The following TNS1 variants were observed in gnomAD, a reference collection of about 807,000 sequenced individuals.
The protein encoded by TNS1 is tensin 1, also known as tensin-1.
A neutral mutation model predicts 168.6 loss-of-function variants in TNS1; 62 were observed. The ratio of observed to expected loss-of-function variants is 0.37; its 90% CI spans 0.30 to 0.45. The LOEUF is 0.45. TNS1 is among the 20% of genes least tolerant of loss of function. The probability of loss-of-function intolerance (pLI) is 1.00; values close to 1 mark genes in which losing one functional copy is unlikely to be tolerated. For missense variants in TNS1, 2,240 were observed against 2,339.4 expected, an observed-to-expected ratio of 0.96 and a Z score of 0.88; for synonymous variants, 934 against 933.2, an observed-to-expected ratio of 1.00 and a Z score of -0.02.
rs1466728154 is a variant in TNS1, at chr2:217,901,119, C to G, written c.322-607G>C. 1.3e-5 allele frequency among the ~76,000 whole-genome samples: 2 copies of G among 152,208 alleles called. 1 individual carries two copies. The highest frequency in any genetic ancestry group is 3.9e-4 in the East Asian group (2 of 5,194). On this transcript the variant is annotated intron_variant, in intron 6 of 32. Coordinates refer to ENST00000682258, the MANE Select transcript of TNS1 (RefSeq NM_001387777.1). Reference sequence around the variant, plus strand: ...GACAGTAACCATCTCACCCACTCCCCTTTTCACAGCTGTCGAGTGGTACAA... The same window carrying G: ...GACAGTAACCATCTCACCCACTCCCGTTTTCACAGCTGTCGAGTGGTACAA...
Position 217,995,006 on chromosome 2 carries a change from G to A in TNS1, c.34-3950C>T, listed in dbSNP as rs1040533933. Among the ~76,000 whole-genome samples, 3 of 152,222 alleles carry A rather than the reference G, an allele frequency of 2.0e-5. No individual in the cohort carries two copies. Among genetic ancestry groups the A allele is most frequent in the Non-Finnish European group, 2.9e-5 (2 of 68,034 alleles). On this transcript the variant is annotated intron_variant, in intron 1 of 32. Coordinates refer to ENST00000682258, the MANE Select transcript of TNS1 (RefSeq NM_001387777.1). This position sits in a 1 kb window ranked among gnomAD's most constrained non-coding sequence, Gnocchi z 4.1. Reference sequence around the variant, plus strand: ...GGAGTTTGGACCAGACAGTCTGAGTGTAGAGAGAGGGGGAAATGACACAAC... The same window carrying A: ...GGAGTTTGGACCAGACAGTCTGAGTATAGAGAGAGGGGGAAATGACACAAC...
upstream of TNS1, among the ~76,000 whole-genome samples, chr2:218,003,483 A>G (rs1421314714): frequency 6.6e-6 from 1 of 151,904 alleles, no homozygotes; most frequent in African/African-American, 2.4e-5. Flanking sequence ...ATTTGCACAC[A>G]CAGACTGGGA....
At chr2:217,859,592 G>T (rs1185476102) in intron 18 of TNS1, 1 of 1,498,344 alleles carries the variant, frequency 6.7e-7, no homozygotes, top group Non-Finnish European at 9.0e-7. Flanking sequence ...TGACATTTTG[G>T]AGGGCCTAAC....
rs78760568 is a variant in TNS1 at position 217,943,198 on chromosome 2, G to A, written c.187-22962C>T. Among the ~76,000 whole-genome samples, 15 of 152,302 alleles carry A rather than the reference G, an allele frequency of 9.8e-5. 1 individual carries two copies. The South Asian group carries it at 3.1e-3, about 32-fold the overall frequency. Reference sequence around the variant, plus strand: ...TAAGGGCTAGTGGTTGGAGAGGGCAGAGGGGGCACTTCTGCCAGTCTGTGC... The same window carrying A: ...TAAGGGCTAGTGGTTGGAGAGGGCAAAGGGGGCACTTCTGCCAGTCTGTGC... On this transcript the variant is annotated intron_variant, in intron 3 of 32. Transcript: ENST00000682258.
chr2:217,946,937 G>GCT (rs150249191), intron 3 of TNS1, among the ~76,000 whole-genome samples: 3,244 of 130,760 alleles, frequency 0.025, 45 homozygotes, highest in East Asian at 0.054. Context: ...TTCCACCATC[G>GCT]CTCTCTCTCT....
rs539661358 is a variant in TNS1, at chr2:217,910,683, C to T, written c.229-3432G>A. On this transcript the variant is annotated intron_variant, in intron 4 of 32. Coordinates refer to ENST00000682258, the MANE Select transcript of TNS1 (RefSeq NM_001387777.1). ...CCTTCATCTTCACTCCATTCCTGGC[C>T]AGGATGTTTCTACAGCTACCACATA... Among the ~76,000 whole-genome samples the T allele has an allele frequency of 1.3e-3, 198 of 149,378 alleles. 1 individual carries two copies. The highest frequency in any genetic ancestry group is 2.3e-3 in the Non-Finnish European group (158 of 67,494).
At chr2:217,816,633 T>C (rs548945930) in intron 24 of TNS1, among the ~76,000 whole-genome samples, 2 of 152,304 alleles carry the variant, frequency 1.3e-5, no homozygotes, top group East Asian at 1.9e-4. Flanking sequence ...CAGTCCCACG[T>C]GCCTTCCTGT....
chr2:217,893,670 G>A lies in TNS1; in HGVS notation c.595-109C>T, dbSNP rs973269574. The A allele has an allele frequency of 8.3e-6, 12 of 1,446,316 alleles. No homozygotes were observed. The African/African-American group carries it at 8.5e-5, about 10-fold the overall frequency. The allele number at this position is 1,446,316 out of a possible 1,614,324, so 89.6% of individuals were successfully genotyped here. The stretch of plus-strand genomic sequence containing the variant: ...AGTACCTGGGCAGTGGCCCGCAGCT[G>A]CTGGTTCCTGCCAGGACTTGGTTCC... On this transcript the variant is annotated intron_variant, in intron 9 of 32. Coordinates refer to ENST00000682258, the MANE Select transcript of TNS1 (RefSeq NM_001387777.1).
At chr2:217,890,868 AC>A in intron 12 of TNS1, 93 bp downstream of exon 12, 1 of 1,397,586 alleles carries the variant, frequency 7.2e-7, no homozygotes, top group Non-Finnish European at 1.0e-6. Flanking sequence ...CCACCTAGGC[AC>A]AGCTATCCCA....
At chr2:217,808,282 A>G (rs969754482) in intron 31 of TNS1, among the ~76,000 whole-genome samples, 175 bp from the exon 32 acceptor site, 1 of 150,476 alleles carries the variant, frequency 6.6e-6, no homozygotes, top group African/African-American at 2.4e-5. Context: ...GATCACACAG[A>G]TGCATTCAAG....
In TNS1 at chr2:217,948,895, G is replaced by A. The variant is rs184127554; in HGVS notation, c.187-28659C>T. Among the ~76,000 whole-genome samples, 2 of 151,224 alleles carry A rather than the reference G, an allele frequency of 1.3e-5. No homozygotes were observed. Among genetic ancestry groups the A allele is most frequent in the East Asian group, 1.9e-4 (1 of 5,130 alleles). ...GCCCTTTGCTGCACATCCCCACCTC[G>A]GGAAGGAGAAGTGCTGGGCTTTCCA... On this transcript the variant is annotated intron_variant, in intron 3 of 32. Transcript: ENST00000682258. This position sits in a 1 kb window ranked among gnomAD's most constrained non-coding sequence, Gnocchi z 4.1.
intron 22 of TNS1, among the ~76,000 whole-genome samples, chr2:217,824,962 T>C (rs1048140490): frequency 6.6e-6 from 1 of 152,190 alleles, no homozygotes; most frequent in Non-Finnish European, 1.5e-5. Context: ...TCAATCTGCA[T>C]GTGCTCCACA....
At chr2:217,998,197 G>A (rs1958503429) in intron 1 of TNS1, among the ~76,000 whole-genome samples, 1 of 150,044 alleles carries the variant, frequency 6.7e-6, no homozygotes, top group South Asian at 2.1e-4. Flanking sequence ...TCCTGAGTGA[G>A]ATAGATGAGT....
chr2:217,959,375 T>C (rs1260791060), intron 3 of TNS1, among the ~76,000 whole-genome samples: 1 of 149,328 alleles, frequency 6.7e-6, no homozygotes. Flanking sequence ...GAACCTGGTA[T>C]CTTAGCATGG....
intron 4 of TNS1, 104 bp downstream of exon 4, chr2:217,920,091 G>A (rs1366492469): frequency 2.0e-5 from 14 of 697,660 alleles, no homozygotes; most frequent in Admixed American, 6.0e-5. Context: ...CTAATTGTCC[G>A]ACACCCCAGT....
intron 1 of TNS1, among the ~76,000 whole-genome samples, chr2:218,029,339 C>T (rs1253072714): frequency 6.6e-6 from 1 of 152,266 alleles, no homozygotes; most frequent in African/African-American, 2.4e-5. Flanking sequence ...GTTCTCCCTT[C>T]ATTGAATGAT....
At chr2:217,922,082 C>T (rs908272066) in intron 3 of TNS1, among the ~76,000 whole-genome samples, 2 of 152,132 alleles carry the variant, frequency 1.3e-5, no homozygotes, top group African/African-American at 4.8e-5. Context: ...CACACCAGCA[C>T]GGGGCTATGA....
upstream of TNS1, among the ~76,000 whole-genome samples, chr2:218,011,723 C>G (rs985539924): frequency 6.6e-6 from 1 of 152,254 alleles, no homozygotes; most frequent in Admixed American, 6.5e-5. Flanking sequence ...AGGCCCTGCC[C>G]GTCCCCATTG....
At chr2:217,932,142 G>A (rs145185332) in intron 3 of TNS1, among the ~76,000 whole-genome samples, 210 of 152,250 alleles carry the variant, frequency 1.4e-3, no homozygotes, top group African/African-American at 4.7e-3. Context: ...TGGTACCTGG[G>A]AGCAGATTCA....
Sources: allele counts gnomAD v4.1 joint callset (sites outside exome capture counted in the v4.1 genomes callset), GRCh38; gene constraint gnomAD v4.1.1; non-coding constraint Gnocchi (gnomAD v3.1); transcripts MANE v1.5; gene names NCBI Gene and HGNC (gene_info 2026-07-23, HGNC 2026-07-21).